The following SH2D7 variants were observed in gnomAD, a reference collection of about 807,000 sequenced individuals.
SH2D7 encodes SH2 domain-containing protein 7.
In SH2D7, 32 loss-of-function variants were observed where a neutral mutation model predicts 40.8. That is an observed-to-expected ratio of 0.78 (90% confidence interval 0.59 to 1.05). The LOEUF (loss-of-function observed/expected upper bound fraction) is 1.05, where lower values mean the gene tolerates loss of function less well. Ranked by LOEUF, SH2D7 falls within the 50% of genes least tolerant of loss-of-function variation. The probability of loss-of-function intolerance (pLI) is 0.00; values close to 1 mark genes in which losing one functional copy is unlikely to be tolerated. For synonymous variants in SH2D7, 195 were observed against 221.5 expected, an observed-to-expected ratio of 0.88 and a Z score of 1.06; for missense variants, 559 against 566.6, an observed-to-expected ratio of 0.99 and a Z score of 0.14.
At position 78,093,463 on chromosome 15, in the gene SH2D7, C is replaced by T. The variant is rs115350250; in HGVS notation, c.177-649C>T. Among the ~76,000 whole-genome samples the T allele has an allele frequency of 1.3e-3, 196 of 152,342 alleles. 1 individual carries two copies. Among genetic ancestry groups the T allele is most frequent in the African/African-American group, 4.4e-3 (181 of 41,584 alleles). On this transcript the variant is annotated intron_variant, in intron 1 of 5. Coordinates refer to ENST00000328828, the MANE Select transcript of SH2D7 (RefSeq NM_001101404.2). ...AAATGATTTAGCTGCGTAGAACAGG[C>T]GCTCGGTATTTGGTGAGTAAGTGAG...
chr15:78,100,818 G>C, intron 4 of SH2D7, 81 bp from the exon 5 acceptor site: 1 of 1,513,932 alleles, frequency 6.6e-7, no homozygotes, highest in Non-Finnish European at 8.9e-7. Flanking sequence ...GGGGGCCTCG[G>C]CTTATCTGAG....
chr15:78,100,020 G>A (rs77209293), intron 4 of SH2D7, among the ~76,000 whole-genome samples: 11 of 152,250 alleles, frequency 7.2e-5, no homozygotes, highest in East Asian at 5.8e-4. Flanking sequence ...ACCCTGCTTC[G>A]TTCTTTGTAG....
rs187113330 is a variant in SH2D7 at position 78,103,068 on chromosome 15, G to T, written c.1306-397G>T. ...CACATCCCATGTCTGCTCTTTCCCTGCGGCTGCCCCATGTCCTCTCCCATC... is the reference window on the plus strand; with the variant it reads ...CACATCCCATGTCTGCTCTTTCCCTTCGGCTGCCCCATGTCCTCTCCCATC... On this transcript the variant is annotated intron_variant, in intron 5 of 5. Coordinates refer to ENST00000328828, the MANE Select transcript of SH2D7 (RefSeq NM_001101404.2). Among the ~76,000 whole-genome samples, 7 of 152,098 alleles carry T rather than the reference G, an allele frequency of 4.6e-5. No individual in the cohort carries two copies. The East Asian group carries it at 1.4e-3, about 30-fold the overall frequency.
At chr15:78,092,786 C>A in intron 1 of SH2D7, 26 bp downstream of exon 1, 1 of 1,591,906 alleles carries the variant, frequency 6.3e-7, no homozygotes, top group South Asian at 1.1e-5. Context: ...CCCACAGGTC[C>A]CTCATAGCCC....
chr15:78,091,829 C>T (rs1358621386), upstream of SH2D7, among the ~76,000 whole-genome samples: 1 of 152,220 alleles, frequency 6.6e-6, no homozygotes, highest in African/African-American at 2.4e-5. Context: ...TGACAAGAGT[C>T]TACTCCCCTA....
chr15:78,090,156 C>T (rs2073931622), upstream of SH2D7, among the ~76,000 whole-genome samples: 1 of 152,146 alleles, frequency 6.6e-6, no homozygotes, highest in African/African-American at 2.4e-5. Context: ...TTACCCTTTT[C>T]ACAGATGGGG....
intron 1 of SH2D7, among the ~76,000 whole-genome samples, chr15:78,093,489 T>C (rs1315954214): frequency 2.0e-5 from 3 of 152,194 alleles, no homozygotes; most frequent in Non-Finnish European, 4.4e-5. Flanking sequence ...AGTAAGTGAG[T>C]GAGGGAATAC....
intron 2 of SH2D7, among the ~76,000 whole-genome samples, chr15:78,097,581 G>A (rs547666744): frequency 3.9e-5 from 6 of 152,068 alleles, no homozygotes; most frequent in African/African-American, 7.2e-5. Context: ...AAAATACTGC[G>A]TTATTAGTTT....
At chr15:78,098,243 A>C in intron 3 of SH2D7, 141 bp from the exon 4 acceptor site, 1 of 1,385,324 alleles carries the variant, frequency 7.2e-7, no homozygotes, top group Admixed American at 2.3e-5. Context: ...CTATTGGAAA[A>C]AGGGAGACTG....
intron 5 of SH2D7, 91 bp from the exon 6 acceptor site, chr15:78,103,374 C>A: frequency 6.8e-7 from 1 of 1,468,236 alleles, no homozygotes; most frequent in Non-Finnish European, 9.2e-7. Flanking sequence ...CTTGGGCCCC[C>A]AACCCAAGGT....
chr15:78,091,725 C>T (rs1240926523), upstream of SH2D7, among the ~76,000 whole-genome samples: 2 of 152,216 alleles, frequency 1.3e-5, no homozygotes, highest in African/African-American at 2.4e-5. Flanking sequence ...ACTCCAAAGT[C>T]CCCTCTCTGT....
intron 4 of SH2D7, among the ~76,000 whole-genome samples, chr15:78,100,587 C>G (rs1216481773): frequency 6.6e-6 from 1 of 152,148 alleles, no homozygotes; most frequent in Non-Finnish European, 1.5e-5. Flanking sequence ...ATCCCAGCTA[C>G]TCAGGAGGCT....
At chr15:78,098,259 A>T in intron 3 of SH2D7, 125 bp from the exon 4 acceptor site, 1 of 1,398,968 alleles carries the variant, frequency 7.1e-7, no homozygotes, top group Admixed American at 2.2e-5. Context: ...GACTGTGGCA[A>T]TGTCTTACCT....
chr15:78,092,674 C>T lies in SH2D7; in HGVS notation c.90C>T (p.Ala30=), dbSNP rs765653622. Residue 30 remains alanine, a synonymous_variant, in exon 1 of 6, where the codon GCC becomes GCT. Transcript: ENST00000328828. ...CCCTGGCTGAGCTCCAGGAGCTTGC[C>T]CTGAAGTGGTTCATGGAGACACAGG... ...SQALAELQEL[A]LKWFMETQAP... is the part of the protein sequence containing the mutation. 3.1e-5 allele frequency: 49 copies of T among 1,585,370 alleles called. 1 individual carries two copies. The Admixed American group carries it at 3.4e-4, about 11-fold the overall frequency.
intron 2 of SH2D7, among the ~76,000 whole-genome samples, chr15:78,095,117 C>G (rs60121404): frequency 6.6e-6 from 1 of 152,166 alleles, no homozygotes; most frequent in Non-Finnish European, 1.5e-5. Flanking sequence ...TCTGTTCCCC[C>G]GTTTCCTCAT....
upstream of SH2D7, chr15:78,092,461 T>C (rs1450155551): frequency 9.4e-7 from 1 of 1,066,192 alleles, no homozygotes; most frequent in Non-Finnish European, 1.3e-6. Flanking sequence ...GAGGTGACAA[T>C]GGGGCTGCTG....
At chr15:78,098,996 G>A (rs931396045) in intron 4 of SH2D7, among the ~76,000 whole-genome samples, 2 of 151,618 alleles carry the variant, frequency 1.3e-5, no homozygotes, top group Non-Finnish European at 2.9e-5. Flanking sequence ...AGCACCCCAT[G>A]GACTCAGAAA....
rs762164758 is a variant in SH2D7, at chr15:78,094,244, T to C, written c.266+43T>C. On this transcript the variant is annotated intron_variant, in intron 2 of 5. Transcript: ENST00000328828. Reference sequence around the variant, plus strand: ...CTGGGCAAGCAAGCTCATCCTACCATAACCTAGCCTTGCAGATTAGTGCAG... The same window carrying C: ...CTGGGCAAGCAAGCTCATCCTACCACAACCTAGCCTTGCAGATTAGTGCAG... The C allele has an allele frequency of 2.6e-6, 4 of 1,567,764 alleles. No homozygotes were observed. The East Asian group carries it at 7.0e-5, about 27-fold the overall frequency.
intron 1 of SH2D7, 47 bp from the exon 2 acceptor site, chr15:78,094,065 C>A: frequency 1.3e-6 from 2 of 1,546,876 alleles, no homozygotes; most frequent in Non-Finnish European, 1.8e-6. Flanking sequence ...GCTGCACCTG[C>A]TGCCATTAGG....
Sources: allele counts gnomAD v4.1 joint callset (sites outside exome capture counted in the v4.1 genomes callset), GRCh38; gene constraint gnomAD v4.1.1; transcripts MANE v1.5; gene names NCBI Gene and HGNC (gene_info 2026-07-23, HGNC 2026-07-21).